Variants in KCNAB2 observed in about 807,000 individuals in gnomAD.
KCNAB2 encodes voltage-gated potassium channel subunit beta-2.
A neutral mutation model predicts 63.6 loss-of-function variants in KCNAB2; 29 were observed. That is an observed-to-expected ratio of 0.46 (90% CI 0.34 to 0.62). The LOEUF (loss-of-function observed/expected upper bound fraction) is 0.62, where lower values mean the gene tolerates loss of function less well. Among genes scored for constraint, KCNAB2 ranks in the 20% least tolerant of loss-of-function variants. KCNAB2 has a pLI of 0.01. For missense variants in KCNAB2, 359 were observed against 563.9 expected, an observed-to-expected ratio of 0.64 and a Z score of 3.68; for synonymous variants, 222 against 224.2, an observed-to-expected ratio of 0.99 and a Z score of 0.09.
At chr1:6,027,861 G>A (rs1659311169) in intron 1 of KCNAB2, among the ~76,000 whole-genome samples, 1 of 152,206 alleles carries the variant, frequency 6.6e-6, no homozygotes, top group Non-Finnish European at 1.5e-5. Flanking sequence ...GGAGATTGGA[G>A]GAGAGACTGA....
intron 1 of KCNAB2, among the ~76,000 whole-genome samples, chr1:6,039,126 A>G (rs1660288244): frequency 1.3e-5 from 2 of 151,904 alleles, no homozygotes; most frequent in South Asian, 4.2e-4. Context: ...TGAGCCCCAC[A>G]GTCGGGGCTC....
At position 6,096,243 on chromosome 1, in the gene KCNAB2, G is replaced by A. The variant is rs554759569; in HGVS notation, c.949-393G>A. On this transcript the variant is annotated intron_variant, in intron 13 of 15. Transcript: ENST00000378083. The surrounding 1 kb of genome is among the most constrained non-coding windows in gnomAD (Gnocchi z 5.9). ...TCCAGGAGGCCCTGCAATCCTCTGG[G>A]GGGGATGGCCAGGGGAGAGAGCACT... is the stretch of plus-strand genomic sequence containing the variant. 4.6e-6 allele frequency: 2 copies of A among 436,536 alleles called. No homozygotes were observed. The highest frequency in any genetic ancestry group is 2.0e-5 in the African/African-American group (1 of 49,362). The allele number at this position is 436,536 out of a possible 1,614,324, so 27.0% of individuals were successfully genotyped here. A position where few individuals can be genotyped will look rare whatever the true frequency, so the allele number is the denominator to read the frequency against.
Position 6,086,311 on chromosome 1 carries a change from C to T in KCNAB2, c.425+1063C>T. On this transcript the variant is annotated intron_variant, in intron 6 of 15. Transcript: ENST00000378083. The surrounding 1 kb of genome is among the most constrained non-coding windows in gnomAD (Gnocchi z 4.2). The stretch of plus-strand genomic sequence containing the variant: ...CCATCAAATTTGTTTTTTGGCAACT[C>T]TGATCCCAAAACAAATTCCTCCTCA... 1.0e-6 allele frequency: 1 copy of T among 984,824 alleles called. No individual in the cohort carries two copies. The highest frequency in any genetic ancestry group is 1.2e-6 in the Non-Finnish European group (1 of 829,790). The allele number at this position is 984,824 out of a possible 1,614,324, so 61.0% of individuals were successfully genotyped here.
intron 2 of KCNAB2, among the ~76,000 whole-genome samples, chr1:6,067,163 C>T (rs993509347): frequency 2.0e-5 from 3 of 152,178 alleles, no homozygotes; most frequent in Non-Finnish European, 2.9e-5. Flanking sequence ...GCCTTGATTG[C>T]GTCCAGAACC....
chr1:6,001,688 G>A (rs940517824), intron 1 of KCNAB2, among the ~76,000 whole-genome samples: 7 of 152,254 alleles, frequency 4.6e-5, no homozygotes, highest in Middle Eastern at 6.8e-3. Flanking sequence ...CCCCAGGCTT[G>A]GCGGAATTCC....
chr1:6,004,268 C>T (rs191018867), intron 1 of KCNAB2, among the ~76,000 whole-genome samples: 114 of 151,098 alleles, frequency 7.5e-4, no homozygotes, highest in African/African-American at 2.6e-3. Context: ...GCTGTGTTAC[C>T]GAGTCTGGTC....
chr1:6,019,575 G>A (rs984749685), intron 1 of KCNAB2, among the ~76,000 whole-genome samples: 1 of 152,196 alleles, frequency 6.6e-6, no homozygotes, highest in Non-Finnish European at 1.5e-5. Context: ...TTAAGGCTCT[G>A]GAGTTGGGCA....
chr1:6,010,082 G>A (rs1658068871), intron 1 of KCNAB2, among the ~76,000 whole-genome samples: 1 of 152,036 alleles, frequency 6.6e-6, no homozygotes, highest in African/African-American at 2.4e-5. Flanking sequence ...TCACCACGTT[G>A]GCCAGGCTGG....
At chr1:6,081,918 A>G (rs538338775) in intron 4 of KCNAB2, among the ~76,000 whole-genome samples, 57 of 152,290 alleles carry the variant, frequency 3.7e-4, no homozygotes, top group Non-Finnish European at 4.4e-5. Context: ...GATGACCCCA[A>G]CTGATGGGGT....
chr1:6,082,869 C>A (rs11583918), intron 5 of KCNAB2, among the ~76,000 whole-genome samples: 3 of 152,326 alleles, frequency 2.0e-5, no homozygotes, highest in African/African-American at 4.8e-5. Flanking sequence ...CCTTCTGCCC[C>A]CCTCCTGCCT....
chr1:6,088,970 C>A lies in KCNAB2; in HGVS notation c.471-38C>A, dbSNP rs778941168. 87 of 1,545,750 alleles carry A rather than the reference C, an allele frequency of 5.6e-5. 1 individual carries two copies. In the South Asian group the frequency reaches 9.8e-4, roughly 17 times the overall value. ...TTTGGGAGGGGCCAGGGTGCCAAAA[C>A]CGCTGGTGACATCACACGCGGTCGG... On this transcript the variant is annotated intron_variant, in intron 7 of 15. Coordinates refer to ENST00000378083, the MANE Select transcript of KCNAB2 (RefSeq NM_001199862.2).
rs1292788077 is a variant in KCNAB2, at chr1:6,074,273, C to T, written c.300+503C>T. 1.3e-5 allele frequency among the ~76,000 whole-genome samples: 2 copies of T among 152,202 alleles called. No homozygotes were observed. The highest frequency in any genetic ancestry group is 4.8e-5 in the African/African-American group (2 of 41,434). ...CATTTCCCAGCTGCCGCGAACCGTGCGGATCGCAGTCAGATGTATTTGCTG... is the reference window on the plus strand; with the variant it reads ...CATTTCCCAGCTGCCGCGAACCGTGTGGATCGCAGTCAGATGTATTTGCTG... On this transcript the variant is annotated intron_variant, in intron 4 of 15. Transcript: ENST00000378083. The surrounding 1 kb of genome is among the most constrained non-coding windows in gnomAD (Gnocchi z 4.9).
chr1:6,020,708 C>T (rs1166630544), intron 1 of KCNAB2, among the ~76,000 whole-genome samples: 2 of 152,152 alleles, frequency 1.3e-5, no homozygotes, highest in South Asian at 2.1e-4. Flanking sequence ...GCTCTGTCAC[C>T]CAGGCTGGAG....
chr1:6,069,302 G>A lies in KCNAB2; in HGVS notation c.219-3453G>A, dbSNP rs2100638993. 6.6e-6 allele frequency among the ~76,000 whole-genome samples: 1 copy of A among 152,284 alleles called. No homozygotes were observed. Among genetic ancestry groups the A allele is most frequent in the African/African-American group, 2.4e-5 (1 of 41,556 alleles). On this transcript the variant is annotated intron_variant, in intron 2 of 15. Transcript: ENST00000378083. This position sits in a 1 kb window ranked among gnomAD's most constrained non-coding sequence, Gnocchi z 5.4. ...GATCACAGTTTTGTCCTCTGCCCAG[G>A]TGGCTCCAATGAAAGGCCCCAAACT...
intron 1 of KCNAB2, among the ~76,000 whole-genome samples, chr1:6,022,293 G>T (rs1325338916): frequency 6.6e-6 from 1 of 152,036 alleles, no homozygotes; most frequent in Non-Finnish European, 1.5e-5. Context: ...GTACAGTTCA[G>T]TGGTACTGAG....
intron 15 of KCNAB2, chr1:6,097,791 C>T (rs1665773189): frequency 8.0e-6 from 3 of 377,194 alleles, no homozygotes; most frequent in Non-Finnish European, 1.4e-5. Context: ...CCAAAAAGGC[C>T]TGGAGCAGAG....
rs943826946 is a variant in KCNAB2 at position 6,035,479 on chromosome 1, CAG to C, written c.-53+686_-53+687del. Among the ~76,000 whole-genome samples, 2 of 151,952 alleles carry C rather than the reference CAG, an allele frequency of 1.3e-5. No individual in the cohort carries two copies. The highest frequency in any genetic ancestry group is 4.8e-5 in the African/African-American group (2 of 41,372). Reference sequence around the variant, plus strand: ...GGTGGCAGCTGGGCAGGAGAGGAGACAGGGAGAGGCACGGGGCCCCTGGCCCA... The same window carrying C: ...GGTGGCAGCTGGGCAGGAGAGGAGACGGAGAGGCACGGGGCCCCTGGCCCA... On this transcript the variant is annotated intron_variant, in intron 1 of 15. Transcript: ENST00000164247. The surrounding 1 kb of genome is among the most constrained non-coding windows in gnomAD (Gnocchi z 5.0).
At chr1:6,050,297 C>A (rs1428905166) in intron 1 of KCNAB2, among the ~76,000 whole-genome samples, 1 of 152,270 alleles carries the variant, frequency 6.6e-6, no homozygotes, top group Non-Finnish European at 1.5e-5. Context: ...TGCACCTTCT[C>A]TCTCTGGTGA....
At chr1:6,044,976 G>A (rs1660796028), upstream of KCNAB2, among the ~76,000 whole-genome samples, 1 of 152,202 alleles carries the variant, frequency 6.6e-6, no homozygotes, top group Non-Finnish European at 1.5e-5. Context: ...CCACCCAGTA[G>A]TGAGGCGCAG....
Sources: allele counts gnomAD v4.1 joint callset (sites outside exome capture counted in the v4.1 genomes callset), GRCh38; gene constraint gnomAD v4.1.1; non-coding constraint Gnocchi (gnomAD v3.1); transcripts MANE v1.5; gene names NCBI Gene and HGNC (gene_info 2026-07-23, HGNC 2026-07-21).